The following SHOC1 variants were observed in gnomAD, a reference collection of about 807,000 sequenced individuals.
The protein encoded by SHOC1 is shortage in chiasmata 1, also known as protein shortage in chiasmata 1 ortholog.
In SHOC1, 136 loss-of-function variants were observed where a neutral mutation model predicts 179.2. That is an observed-to-expected ratio of 0.76 (90% CI 0.66 to 0.87). The LOEUF (loss-of-function observed/expected upper bound fraction) is 0.87. SHOC1 is among the 40% of genes least tolerant of loss of function. The pLI is 0.00. For synonymous variants in SHOC1, 489 were observed against 586.6 expected, an observed-to-expected ratio of 0.83 and a Z score of 2.41; for missense variants, 1,538 against 1,700.8, an observed-to-expected ratio of 0.90 and a Z score of 1.68.
At chr9:111,756,123 GACAACA>G (rs71496710) in intron 8 of SHOC1, among the ~76,000 whole-genome samples, 196 bp downstream of exon 8, 14 of 151,228 alleles carry the variant, frequency 9.3e-5, no homozygotes, top group South Asian at 4.2e-4. Context: ...ATTTTGTCTC[GACAACA>G]ACAACAACAA....
chr9:111,723,258 G>A (rs1589409149), intron 14 of SHOC1, among the ~76,000 whole-genome samples: 1 of 152,038 alleles, frequency 6.6e-6, no homozygotes, highest in South Asian at 2.1e-4. Flanking sequence ...TTAAAGATTT[G>A]CATAATCATC....
intron 15 of SHOC1, among the ~76,000 whole-genome samples, chr9:111,721,680 CGAGG>C (rs1833060308): frequency 6.6e-6 from 1 of 152,192 alleles, no homozygotes; most frequent in Non-Finnish European, 1.5e-5. Context: ...GCTGAATACT[CGAGG>C]GAGAGGCTCT....
At chr9:111,776,252 T>G (rs1835829711) in intron 4 of SHOC1, among the ~76,000 whole-genome samples, 1 of 152,176 alleles carries the variant, frequency 6.6e-6, no homozygotes, top group Admixed American at 6.5e-5. Flanking sequence ...TGTCAATCAA[T>G]GTACATTCAC....
At chr9:111,759,090 A>G in intron 5 of SHOC1, 1 of 1,470,808 alleles carries the variant, frequency 6.8e-7, no homozygotes, top group Admixed American at 2.1e-5. Context: ...ATCCCAAAAG[A>G]GCTGTAACGG....
intron 21 of SHOC1, 40 bp from the exon 22 acceptor site, chr9:111,704,032 T>C: frequency 9.2e-7 from 1 of 1,091,638 alleles, no homozygotes; most frequent in African/African-American, 1.6e-5. Context: ...AATGAAATGC[T>C]AATAAAATTA....
intron 18 of SHOC1, among the ~76,000 whole-genome samples, chr9:111,708,796 C>T (rs1028082184): frequency 1.3e-5 from 2 of 152,140 alleles, no homozygotes; most frequent in African/African-American, 4.8e-5. Context: ...TCAAAATATT[C>T]TGTACCCATC....
chr9:111,702,401 A>G (rs1832020953), intron 22 of SHOC1, among the ~76,000 whole-genome samples, 175 bp from the exon 23 acceptor site: 1 of 152,228 alleles, frequency 6.6e-6, no homozygotes, highest in Non-Finnish European at 1.5e-5. Flanking sequence ...GAGAAAAGCT[A>G]TAGTAGACAT....
chr9:111,690,557 A>G (rs1039709076), intron 27 of SHOC1, among the ~76,000 whole-genome samples: 5 of 152,218 alleles, frequency 3.3e-5, no homozygotes, highest in African/African-American at 1.2e-4. Context: ...ATATTAGTAA[A>G]CCTGTAAATA....
intron 17 of SHOC1, among the ~76,000 whole-genome samples, chr9:111,713,945 T>C (rs953565452): frequency 2.6e-5 from 4 of 152,212 alleles, no homozygotes; most frequent in African/African-American, 9.6e-5. Context: ...TGGACTTATA[T>C]AAGTACTAGA....
chr9:111,706,903 A>G (rs72750277), intron 19 of SHOC1, among the ~76,000 whole-genome samples, 157 bp from the exon 20 acceptor site: 6,875 of 152,194 alleles, frequency 0.045, 193 homozygotes, highest in East Asian at 0.14. Context: ...TTGCTCTTCA[A>G]TAGTGTTAAT....
At chr9:111,767,596 G>A (rs1295057023) in intron 5 of SHOC1, among the ~76,000 whole-genome samples, 2 of 152,140 alleles carry the variant, frequency 1.3e-5, no homozygotes, top group Non-Finnish European at 2.9e-5. Context: ...TGGCTTTGGA[G>A]TATATTTTGA....
At position 111,692,103 on chromosome 9, in the gene SHOC1, ACT is replaced by A; in HGVS notation, c.3872_3873del (p.Glu1291ValfsTer14). On this transcript the variant is annotated frameshift_variant, in exon 27 of 28. Transcript: ENST00000682961. LOFTEE classifies it high-confidence loss of function. ...GTTAGACCCAAAGAAAAGACATCTG[ACT>A]CTGAATCACTGTGGTTTAGAAAGGA... ...YNSFLNHSDS[E>X]SDVFSLGLTQ... The A allele has an allele frequency of 6.2e-7, 1 of 1,613,720 alleles. No individual in the cohort carries two copies. The highest frequency in any genetic ancestry group is 8.5e-7 in the Non-Finnish European group (1 of 1,179,776).
rs1831429344 is a variant in SHOC1 at position 111,691,652 on chromosome 9, T to C, written c.4325A>G (p.Glu1442Gly). The C allele has an allele frequency of 6.2e-7, 1 of 1,613,976 alleles. No individual in the cohort carries two copies. Among genetic ancestry groups the C allele is most frequent in the East Asian group, 2.2e-5 (1 of 44,854 alleles). The change falls in exon 27 of 28, where the codon GAA becomes GGA. Residue 1442 changes from glutamate (E) to glycine (G), a missense_variant. By Grantham distance (98) the Glu-to-Gly change is moderately conservative. Coordinates refer to ENST00000682961, the MANE Select transcript of SHOC1 (RefSeq NM_001378211.1). ...RASDSNANQKEFNSLYFYQRA... is the reference protein window; with the variant it reads ...RASDSNANQKGFNSLYFYQRA... ...TTGGTAGAAATAAAGGCTGTTGAAT[T>C]CTTTTTGATTTGCATTAGAATCAGA...
At chr9:111,723,371 T>C (rs1833153189) in intron 14 of SHOC1, among the ~76,000 whole-genome samples, 1 of 152,102 alleles carries the variant, frequency 6.6e-6, no homozygotes, top group South Asian at 2.1e-4. Context: ...TCTTTAGGAG[T>C]CAAAGAATAC....
At chr9:111,706,006 A>G (rs563194258) in intron 20 of SHOC1, among the ~76,000 whole-genome samples, 1 of 152,220 alleles carries the variant, frequency 6.6e-6, no homozygotes, top group Admixed American at 6.5e-5. Flanking sequence ...AGGTGAATAG[A>G]AAATAATCGA....
chr9:111,715,093 G>A (rs1023035363), intron 16 of SHOC1, among the ~76,000 whole-genome samples: 1 of 152,068 alleles, frequency 6.6e-6, no homozygotes, highest in Non-Finnish European at 1.5e-5. Flanking sequence ...AATTCATATG[G>A]CTGCTAAAAC....
chr9:111,775,013 T>TTG lies in SHOC1; in HGVS notation c.442+777_442+778insCA, dbSNP rs1589467007. On this transcript the variant is annotated intron_variant, in intron 5 of 27. Coordinates refer to ENST00000682961, the MANE Select transcript of SHOC1 (RefSeq NM_001378211.1). The stretch of plus-strand genomic sequence containing the variant: ...TATACTTAAAAAAAAATTTTTTTTT[T>TTG]GAGATTCAGTCTTGCTCTTTTGCCC... 3.3e-5 allele frequency among the ~76,000 whole-genome samples: 5 copies of TTG among 152,018 alleles called. No individual in the cohort carries two copies. The East Asian group carries it at 9.6e-4, about 29-fold the overall frequency.
intron 27 of SHOC1, among the ~76,000 whole-genome samples, chr9:111,690,636 T>A (rs1831384331): frequency 6.6e-6 from 1 of 152,120 alleles, no homozygotes; most frequent in Non-Finnish European, 1.5e-5. Flanking sequence ...CTAAAATGAG[T>A]TTGAATAAAT....
intron 24 of SHOC1, 115 bp from the exon 25 acceptor site, chr9:111,694,477 T>A: frequency 2.9e-6 from 2 of 698,678 alleles, no homozygotes; most frequent in Non-Finnish European, 4.5e-6. Flanking sequence ...TCTATCTAAT[T>A]TTAGATAGAA....
Sources: gnomAD v4.1 joint callset for allele counts (sites outside exome capture counted in the v4.1 genomes callset) on GRCh38, gnomAD v4.1.1 for gene constraint, MANE v1.5 for transcripts, NCBI Gene and HGNC (gene_info 2026-07-23, HGNC 2026-07-21) for gene names.